The following APBA2 variants were observed in gnomAD, a reference collection of about 807,000 sequenced individuals.
The protein encoded by APBA2 is amyloid-beta A4 precursor protein-binding family A member 2.
A neutral mutation model predicts 75.0 loss-of-function variants in APBA2; 30 were observed. That is an observed-to-expected ratio of 0.40 (90% confidence interval 0.30 to 0.54). The LOEUF (loss-of-function observed/expected upper bound fraction) is 0.54, where lower values mean the gene tolerates loss of function less well. APBA2 is among the 20% of genes least tolerant of loss of function. The pLI is 0.49. For missense variants in APBA2, 801 were observed against 1,016.1 expected (o/e 0.79, Z 2.88); for synonymous variants, 444 against 409.6 (o/e 1.08, Z -1.01).
At chr15:28,994,908 C>T (rs1054654431) in intron 2 of APBA2, among the ~76,000 whole-genome samples, 2 of 152,190 alleles carry the variant, frequency 1.3e-5, no homozygotes, top group Non-Finnish European at 2.9e-5. Context: ...TGGCCCGGCT[C>T]AACAGCTGAT....
intron 10 of APBA2, among the ~76,000 whole-genome samples, chr15:29,103,742 C>T (rs901553858): frequency 6.6e-6 from 1 of 152,230 alleles, no homozygotes; most frequent in Non-Finnish European, 1.5e-5. Context: ...GCCTCCGGGG[C>T]TCCAGGGCTC....
intron 1 of APBA2, among the ~76,000 whole-genome samples, chr15:28,908,089 G>A (rs1180291903): frequency 2.6e-5 from 4 of 152,178 alleles, no homozygotes; most frequent in Non-Finnish European, 5.9e-5. Context: ...GACCTGGCTG[G>A]ACCCTGGGGT....
intron 2 of APBA2, among the ~76,000 whole-genome samples, chr15:28,990,101 A>G (rs1451665605): frequency 6.6e-6 from 1 of 152,138 alleles, no homozygotes; most frequent in Non-Finnish European, 1.5e-5. Flanking sequence ...GGCCAGGGGG[A>G]AGAGGGCACG....
At chr15:29,016,608 A>G (rs1043921216) in intron 3 of APBA2, among the ~76,000 whole-genome samples, 30 of 152,282 alleles carry the variant, frequency 2.0e-4, no homozygotes, top group Admixed American at 6.5e-4. Flanking sequence ...AGCCAGGGGA[A>G]AACTGGGAAT....
intron 2 of APBA2, among the ~76,000 whole-genome samples, chr15:28,989,062 G>A (rs2038079606): frequency 6.6e-6 from 1 of 152,094 alleles, no homozygotes; most frequent in African/African-American, 2.4e-5. Flanking sequence ...ATCTTTCCAT[G>A]TATCTATTTT....
At chr15:28,984,148 T>A (rs1402318428) in intron 2 of APBA2, among the ~76,000 whole-genome samples, 1 of 151,878 alleles carries the variant, frequency 6.6e-6, no homozygotes, top group East Asian at 1.9e-4. Flanking sequence ...GGGTGTAGGG[T>A]CCTGCCCTGG....
chr15:28,946,484 C>G (rs571707277), intron 2 of APBA2, among the ~76,000 whole-genome samples: 1 of 152,364 alleles, frequency 6.6e-6, no homozygotes, highest in South Asian at 2.1e-4. Context: ...GAAACAGATT[C>G]TTGCCTAGAG....
At chr15:28,949,822 A>G (rs2035754697) in intron 2 of APBA2, among the ~76,000 whole-genome samples, 1 of 152,164 alleles carries the variant, frequency 6.6e-6, no homozygotes, top group Non-Finnish European at 1.5e-5. Flanking sequence ...AGTTATAAAA[A>G]AGTTGCAAAG....
At chr15:29,028,977 A>ATATC (rs2040358107) in intron 3 of APBA2, among the ~76,000 whole-genome samples, 1 of 152,084 alleles carries the variant, frequency 6.6e-6, no homozygotes, top group Admixed American at 6.5e-5. Flanking sequence ...CTGTGATGAT[A>ATATC]GTTTCTTTTG....
rs2041741809 is a variant in APBA2 at position 29,054,001 on chromosome 15, G to A, written c.117G>A (p.Glu39=). The A allele has an allele frequency of 6.8e-6, 11 of 1,613,958 alleles. No homozygotes were observed. The highest frequency in any genetic ancestry group is 9.3e-6 in the Non-Finnish European group (11 of 1,180,018). The change falls in exon 4 of 15, where the codon GAG becomes GAA. Residue 39 remains glutamate (E), a synonymous_variant. Coordinates refer to ENST00000683413, the MANE Select transcript of APBA2 (RefSeq NM_001353788.2). The surrounding 1 kb of genome is among the most constrained non-coding windows in gnomAD (Gnocchi z 6.1). ...PESEDMELPL[E]GYVPEGLELA... ...GCGAGGACATGGAGCTGCCCTTGGA[G>A]GGCTATGTGCCCGAGGGCCTGGAGC...
chr15:28,936,451 T>C (rs937701096), intron 2 of APBA2, among the ~76,000 whole-genome samples: 1 of 152,218 alleles, frequency 6.6e-6, no homozygotes, highest in Non-Finnish European at 1.5e-5. Flanking sequence ...GGCGAATGGC[T>C]GTTCAGGTCA....
intron 2 of APBA2, among the ~76,000 whole-genome samples, chr15:28,984,959 C>G (rs1402541722): frequency 6.6e-6 from 1 of 152,124 alleles, no homozygotes; most frequent in East Asian, 1.9e-4. Context: ...CTCCGCCAAC[C>G]ACTGCCGTCT....
chr15:28,986,161 C>T (rs938984526), intron 2 of APBA2, among the ~76,000 whole-genome samples: 6 of 152,238 alleles, frequency 3.9e-5, no homozygotes, highest in Non-Finnish European at 7.3e-5. Flanking sequence ...TCAAAGTTTC[C>T]TGCCTCCTGG....
rs578241481 is a variant in APBA2, at chr15:29,118,146, T to G, written c.*1013T>G. On this transcript the variant is annotated 3_prime_UTR_variant, in exon 15 of 15. Coordinates refer to ENST00000683413, the MANE Select transcript of APBA2 (RefSeq NM_001353788.2). Reference sequence around the variant, plus strand: ...AATCTGACGTCATCTTGTCTCGAAGTCTCTTTTTTTGGCCCAGGCCTTGAA... The same window carrying G: ...AATCTGACGTCATCTTGTCTCGAAGGCTCTTTTTTTGGCCCAGGCCTTGAA... 1 of 152,738 alleles carries G rather than the reference T, an allele frequency of 6.5e-6. No homozygotes were observed. The highest frequency in any genetic ancestry group is 2.1e-4 in the South Asian group (1 of 4,826). The allele number at this position is 152,738 out of a possible 1,614,324, so 9.5% of individuals were successfully genotyped here.
At chr15:29,106,513 G>A (rs2044413689) in intron 11 of APBA2, 94 bp from the exon 12 acceptor site, 7 of 1,406,004 alleles carry the variant, frequency 5.0e-6, no homozygotes, top group African/African-American at 4.3e-5. Flanking sequence ...GGCGGGATGT[G>A]CCAGGACAGG....
chr15:29,093,011 A>C (rs558345746), intron 6 of APBA2, 64 bp from the exon 7 acceptor site: 3 of 1,602,182 alleles, frequency 1.9e-6, no homozygotes, highest in Non-Finnish European at 2.6e-6. Flanking sequence ...ATGGCCAGGC[A>C]TGCAAGTTCT....
chr15:28,957,366 A>G (rs936864148), intron 2 of APBA2, among the ~76,000 whole-genome samples: 2 of 152,152 alleles, frequency 1.3e-5, no homozygotes, highest in Admixed American at 6.5e-5. Flanking sequence ...GGCGTGAGCT[A>G]CTGCGCCCGG....
At chr15:28,891,879 T>C (rs1374185339) in intron 1 of APBA2, among the ~76,000 whole-genome samples, 1 of 152,208 alleles carries the variant, frequency 6.6e-6, no homozygotes, top group African/African-American at 2.4e-5. Flanking sequence ...AGCTGAAAAA[T>C]TCCTATTGCT....
intron 1 of APBA2, among the ~76,000 whole-genome samples, chr15:28,889,663 G>C (rs919459229): frequency 6.6e-6 from 1 of 152,116 alleles, no homozygotes; most frequent in Non-Finnish European, 1.5e-5. Flanking sequence ...CTGAATGTGG[G>C]CTCTTTCCCT....
Sources: allele counts gnomAD v4.1 joint callset (sites outside exome capture counted in the v4.1 genomes callset), GRCh38; gene constraint gnomAD v4.1.1; non-coding constraint Gnocchi (gnomAD v3.1); transcripts MANE v1.5; gene names NCBI Gene and HGNC (gene_info 2026-07-23, HGNC 2026-07-21).